Variants in XPO6 observed in about 807,000 individuals in gnomAD.
XPO6 encodes exportin 6.
In XPO6, 3 loss-of-function variants were observed where a neutral mutation model predicts 130.0. The observed-to-expected ratio is 0.02, with a 90% CI of 0.01 to 0.06. The LOEUF (loss-of-function observed/expected upper bound fraction) is 0.06. Among genes scored for constraint, XPO6 ranks in the 10% least tolerant of loss-of-function variants. The probability of loss-of-function intolerance (pLI) is 1.00; values close to 1 mark genes in which losing one functional copy is unlikely to be tolerated. For missense variants in XPO6, 970 were observed against 1,393.0 expected, an observed-to-expected ratio of 0.70 and a Z score of 4.83; for synonymous variants, 524 against 548.9, an observed-to-expected ratio of 0.95 and a Z score of 0.63.
At chr16:28,185,442 G>C (rs1449452289) in intron 1 of XPO6, among the ~76,000 whole-genome samples, 1 of 152,178 alleles carries the variant, frequency 6.6e-6, no homozygotes, top group Non-Finnish European at 1.5e-5. Context: ...CCTTGGAGGA[G>C]GAGGGATTCT....
At chr16:28,102,342 G>A (rs1411575096) in intron 21 of XPO6, among the ~76,000 whole-genome samples, 1 of 152,166 alleles carries the variant, frequency 6.6e-6, no homozygotes, top group East Asian at 1.9e-4. Flanking sequence ...AAAGCCACAA[G>A]CCCTACAGGC....
At chr16:28,126,826 G>A (rs564606442) in intron 12 of XPO6, 1 of 152,140 alleles carries the variant, frequency 6.6e-6, no homozygotes, top group Non-Finnish European at 1.5e-5. Context: ...GAATGAGGGT[G>A]GGGTGGTAAC....
chr16:28,098,428 G>T lies in XPO6; in HGVS notation c.*110C>A. ...GAGGCAGGCAGCGTTGCTTGCGGTG[G>T]GAGAAGCCAAGGAGTGTGACCAAGG... is the stretch of plus-strand genomic sequence containing the variant. On this transcript the variant is annotated 3_prime_UTR_variant, in exon 24 of 24. Transcript: ENST00000304658. 1.1e-6 allele frequency: 1 copy of T among 926,918 alleles called. No individual in the cohort carries two copies. Among genetic ancestry groups the T allele is most frequent in the Non-Finnish European group, 1.6e-6 (1 of 609,430 alleles). 57.4% of individuals were successfully genotyped at this position (926,918 alleles called of 1,614,324 possible).
chr16:28,189,470 G>A (rs2043750693), intron 1 of XPO6, among the ~76,000 whole-genome samples: 1 of 152,082 alleles, frequency 6.6e-6, no homozygotes, highest in Non-Finnish European at 1.5e-5. Flanking sequence ...ACACCCATGT[G>A]AGTTCCTTTC....
chr16:28,211,363 T>TA lies in XPO6; in HGVS notation c.3+2dup. The TA allele has an allele frequency of 7.6e-7, 1 of 1,312,560 alleles. No individual in the cohort carries two copies. Among genetic ancestry groups the TA allele is most frequent in the Non-Finnish European group, 9.8e-7 (1 of 1,021,718 alleles). The allele number at this position is 1,312,560 out of a possible 1,614,324, so 81.3% of individuals were successfully genotyped here. A position where few individuals can be genotyped will look rare whatever the true frequency, so the allele number is the denominator to read the frequency against. On this transcript the variant is annotated splice_region_variant and intron_variant, in intron 1 of 23. Coordinates refer to ENST00000304658, the MANE Select transcript of XPO6 (RefSeq NM_015171.4). The stretch of plus-strand genomic sequence containing the variant: ...GAGGGAAGGGGGCTCCAATTCCACT[T>TA]ACCATGCTGGCCGGGGAGGGGGCGG...
intron 1 of XPO6, among the ~76,000 whole-genome samples, chr16:28,187,519 GTAAAAGTACC>G (rs1424680216): frequency 1.3e-5 from 2 of 152,008 alleles, no homozygotes; most frequent in Admixed American, 1.3e-4. Flanking sequence ...AGTGGGGACA[GTAAAAGTACC>G]TAACATATTG....
chr16:28,173,691 G>A (rs866821563), intron 4 of XPO6, among the ~76,000 whole-genome samples: 4 of 152,286 alleles, frequency 2.6e-5, no homozygotes, highest in East Asian at 1.9e-4. Flanking sequence ...TCAAAGTCAC[G>A]AAAGCTACAT....
chr16:28,141,216 C>T (rs1182581386), intron 9 of XPO6, among the ~76,000 whole-genome samples: 1 of 152,210 alleles, frequency 6.6e-6, no homozygotes, highest in Non-Finnish European at 1.5e-5. Flanking sequence ...AGAATCCCTA[C>T]GTTGGTTTGT....
chr16:28,101,554 G>A lies in XPO6; in HGVS notation c.3180C>T (p.Gly1060=). The A allele has an allele frequency of 1.2e-6, 2 of 1,614,264 alleles. No homozygotes were observed. The highest frequency in any genetic ancestry group is 1.7e-6 in the Non-Finnish European group (2 of 1,180,058). The stretch of plus-strand genomic sequence containing the variant: ...ACTCTGGGAGGAAGGCGGCAAAGAA[G>A]CCATCAAAGTCGACTGAGGCCATGT... ...IYNMASVDFD[G]FFAAFLPEFL... Residue 1060 remains glycine (G), a synonymous_variant, in exon 23 of 24, where the codon GGC becomes GGT. Coordinates refer to ENST00000304658, the MANE Select transcript of XPO6 (RefSeq NM_015171.4). This position sits in a 1 kb window ranked among gnomAD's most constrained non-coding sequence, Gnocchi z 5.4.
At chr16:28,109,751 G>T (rs2086873753) in intron 17 of XPO6, among the ~76,000 whole-genome samples, 1 of 152,184 alleles carries the variant, frequency 6.6e-6, no homozygotes, top group African/African-American at 2.4e-5. Flanking sequence ...TTACATCCTG[G>T]ATTTTTTAAA....
At chr16:28,201,404 C>A (rs2043950762) in intron 1 of XPO6, among the ~76,000 whole-genome samples, 1 of 152,048 alleles carries the variant, frequency 6.6e-6, no homozygotes, top group Admixed American at 6.6e-5. Context: ...ACTAAAGAGG[C>A]GAAGCAGAGT....
intron 6 of XPO6, among the ~76,000 whole-genome samples, chr16:28,163,020 C>G (rs1403777323): frequency 1.3e-5 from 2 of 152,156 alleles, no homozygotes; most frequent in African/African-American, 2.4e-5. Context: ...TTAGCAGCAT[C>G]CCTGGCCTCC....
intron 20 of XPO6, chr16:28,105,766 T>C: frequency 2.7e-6 from 1 of 371,874 alleles, no homozygotes; most frequent in Non-Finnish European, 4.9e-6. Flanking sequence ...AAAACCAGAG[T>C]CTCTTAAAGG....
chr16:28,108,938 C>G lies in XPO6; in HGVS notation c.2342-1261G>C, dbSNP rs550688953. ...CGCCACAGGCCTGGTCCTGGTCCCC[C>G]AGTCACAGTGACACTGGAGAGTAAA... On this transcript the variant is annotated intron_variant, in intron 17 of 23. Transcript: ENST00000304658. Among the ~76,000 whole-genome samples the G allele has an allele frequency of 7.4e-4, 112 of 152,340 alleles. 1 individual carries two copies. The highest frequency in any genetic ancestry group is 6.8e-3 in the Middle Eastern group (2 of 294).
intron 10 of XPO6, 138 bp from the exon 11 acceptor site, chr16:28,134,071 C>A: frequency 1.3e-6 from 1 of 763,212 alleles, no homozygotes; most frequent in Non-Finnish European, 2.1e-6. Context: ...ATAAAAAGGC[C>A]AAGCTAGAAT....
At chr16:28,200,923 AT>A in intron 1 of XPO6, among the ~76,000 whole-genome samples, 1 of 152,164 alleles carries the variant, frequency 6.6e-6, no homozygotes, top group South Asian at 2.1e-4. Context: ...GAGTGCAATT[AT>A]GAAACACAGA....
chr16:28,143,793 C>A (rs142830306), intron 9 of XPO6, among the ~76,000 whole-genome samples: 24 of 152,194 alleles, frequency 1.6e-4, no homozygotes, highest in Admixed American at 1.3e-3. Flanking sequence ...CCTGCCACCA[C>A]GCCCAGCTAA....
At chr16:28,169,943 T>C (rs2043422679) in intron 4 of XPO6, 34 bp from the exon 5 acceptor site, 1 of 1,610,794 alleles carries the variant, frequency 6.2e-7, no homozygotes, top group Non-Finnish European at 8.5e-7. Flanking sequence ...AGCAGAGTGT[T>C]GGACTAATAA....
At chr16:28,182,108 T>G (rs1317336092) in intron 1 of XPO6, among the ~76,000 whole-genome samples, 1 of 152,166 alleles carries the variant, frequency 6.6e-6, no homozygotes, top group Non-Finnish European at 1.5e-5. Flanking sequence ...TTGTGATTAT[T>G]TAATTATCTC....
Sources: allele counts gnomAD v4.1 joint callset (sites outside exome capture counted in the v4.1 genomes callset), GRCh38; gene constraint gnomAD v4.1.1; non-coding constraint Gnocchi (gnomAD v3.1); transcripts MANE v1.5; gene names NCBI Gene and HGNC (gene_info 2026-07-23, HGNC 2026-07-21).